The following SYT14 variants were observed in gnomAD, a reference collection of about 807,000 sequenced individuals.
SYT14 encodes synaptotagmin 14.
Under a neutral mutation model 74.2 loss-of-function variants are expected in SYT14, and 32 were observed. That is an observed-to-expected ratio of 0.43 (90% confidence interval 0.33 to 0.58). The LOEUF is 0.58. Among genes scored for constraint, SYT14 ranks in the 20% least tolerant of loss-of-function variants. The probability of loss-of-function intolerance (pLI) is 0.05; values close to 1 mark genes in which losing one functional copy is unlikely to be tolerated. For synonymous variants in SYT14, 298 were observed against 337.7 expected (o/e 0.88, Z 1.29); for missense variants, 791 against 981.8 (o/e 0.81, Z 2.60).
chr1:209,960,819 C>G (rs896066427), intron 2 of SYT14, among the ~76,000 whole-genome samples: 2 of 152,212 alleles, frequency 1.3e-5, no homozygotes, highest in East Asian at 1.9e-4. Context: ...TATATCTGTT[C>G]AATTCTGATA....
chr1:210,109,434 T>C (rs2082218404), intron 7 of SYT14, among the ~76,000 whole-genome samples: 1 of 151,850 alleles, frequency 6.6e-6, no homozygotes, highest in African/African-American at 2.4e-5. Flanking sequence ...AAAAATTAGC[T>C]GGGCATGGTT....
intron 2 of SYT14, among the ~76,000 whole-genome samples, chr1:209,980,485 C>A (rs2079463277): frequency 6.6e-6 from 1 of 152,160 alleles, no homozygotes; most frequent in Non-Finnish European, 1.5e-5. Flanking sequence ...GCTTTTGTTG[C>A]AATTGCTTTT....
chr1:210,078,461 G>T (rs564656653), intron 5 of SYT14, among the ~76,000 whole-genome samples: 1 of 151,984 alleles, frequency 6.6e-6, no homozygotes, highest in Non-Finnish European at 1.5e-5. Flanking sequence ...GATGTGCCAT[G>T]ACAAATATTT....
intron 2 of SYT14, among the ~76,000 whole-genome samples, chr1:210,001,311 G>A (rs565337865): frequency 2.1e-4 from 32 of 150,248 alleles, no homozygotes; most frequent in African/African-American, 7.6e-4. Flanking sequence ...TTTTTGCCCT[G>A]TTGAAAGGAT....
At chr1:210,016,697 C>G (rs1335689621) in exon 4 of SYT14, 4 of 1,231,634 alleles carry the variant, frequency 3.2e-6, no homozygotes, top group Non-Finnish European at 3.0e-6. Context: ...TAAATCTCGA[C>G]ATGTATATTT....
chr1:210,114,707 T>A lies in SYT14; in HGVS notation c.2034+14246T>A, dbSNP rs141721503. ...CATTAACCTTGACTGTGCCTTTAGCTCCAGCCACCTCTTTAAGATGAAATT... is the reference window on the plus strand; with the variant it reads ...CATTAACCTTGACTGTGCCTTTAGCACCAGCCACCTCTTTAAGATGAAATT... On this transcript the variant is annotated intron_variant, in intron 7 of 9. Coordinates refer to ENST00000637265, the Ensembl canonical transcript of SYT14. 4.2e-3 allele frequency among the ~76,000 whole-genome samples: 628 copies of A among 151,176 alleles called. 9 individuals are homozygous for A. The highest frequency in any genetic ancestry group is 9.1e-3 in the South Asian group (44 of 4,818).
At chr1:210,161,968 A>C (rs1455629885) in exon 10 of SYT14, 1 of 453,820 alleles carries the variant, frequency 2.2e-6, no homozygotes, top group Admixed American at 2.4e-5. Flanking sequence ...GAAAATGGAA[A>C]ACAATTCAAT....
Position 210,076,810 on chromosome 1 carries a change from A to C in SYT14, c.1313-17512A>C, listed in dbSNP as rs868357897. ...ACTCACTCACTATCACGAGAACAGC[A>C]CCAAGGGGAATGTGCCAACTCATTC... On this transcript the variant is annotated intron_variant, in intron 5 of 9. Transcript: ENST00000637265. Among the ~76,000 whole-genome samples the C allele has an allele frequency of 3.7e-4, 57 of 152,288 alleles. 1 individual carries two copies. The highest frequency in any genetic ancestry group is 6.8e-3 in the Middle Eastern group (2 of 294).
At chr1:210,073,553 T>G (rs948950454) in intron 5 of SYT14, among the ~76,000 whole-genome samples, 5 of 152,086 alleles carry the variant, frequency 3.3e-5, no homozygotes, top group African/African-American at 1.2e-4. Flanking sequence ...CATCCCCAAT[T>G]TATGTCATAA....
chr1:210,144,183 C>T (rs778228091), intron 7 of SYT14, among the ~76,000 whole-genome samples: 8 of 152,096 alleles, frequency 5.3e-5, no homozygotes, highest in Non-Finnish European at 1.2e-4. Context: ...TTAGAGAAAA[C>T]TCTGATTCAT....
At chr1:209,990,561 G>GTATATATATGTATATATATATACA (rs2079661064) in intron 2 of SYT14, among the ~76,000 whole-genome samples, 3 of 26,058 alleles carry the variant, frequency 1.2e-4, no homozygotes, top group Non-Finnish European at 2.8e-4. Flanking sequence ...ATATATATAC[G>GTATATATATGTATATATATATACA]TATATATATG....
chr1:209,950,661 T>C (rs1349714034), intron 1 of SYT14, among the ~76,000 whole-genome samples: 1 of 152,180 alleles, frequency 6.6e-6, no homozygotes, highest in African/African-American at 2.4e-5. Flanking sequence ...TCTAACCTAC[T>C]TTGGTGATAG....
rs145057212 is a variant in SYT14, at chr1:209,957,488, G to A, written c.-486+4732G>A. ...GTCACCCAGGCTGGAGTGCAATGGC[G>A]TGATCTCGGCTCGCTGCAATCTCCA... is the stretch of plus-strand genomic sequence containing the variant. On this transcript the variant is annotated intron_variant, in intron 2 of 9. Coordinates refer to ENST00000637265, the Ensembl canonical transcript of SYT14. Among the ~76,000 whole-genome samples, 579 of 152,030 alleles carry A rather than the reference G, an allele frequency of 3.8e-3. 3 individuals carry two copies. Among genetic ancestry groups the A allele is most frequent in the East Asian group, 0.031 (160 of 5,176 alleles).
chr1:210,108,834 G>C (rs996252844), intron 7 of SYT14, among the ~76,000 whole-genome samples: 1 of 152,190 alleles, frequency 6.6e-6, no homozygotes, highest in Non-Finnish European at 1.5e-5. Flanking sequence ...TATCAAGAAA[G>C]AGTTGTGAGA....
intron 7 of SYT14, among the ~76,000 whole-genome samples, chr1:210,137,880 C>T (rs1193962187): frequency 6.6e-6 from 1 of 152,052 alleles, no homozygotes. Context: ...GGGGTTTCAC[C>T]ATGTTGGTCA....
At chr1:210,151,488 G>T (rs2083159110) in intron 7 of SYT14, among the ~76,000 whole-genome samples, 1 of 144,782 alleles carries the variant, frequency 6.9e-6, no homozygotes, top group Non-Finnish European at 1.5e-5. Flanking sequence ...CCAAGTAGCT[G>T]AAATTATAGG....
At chr1:210,120,874 G>T (rs1007236533) in intron 7 of SYT14, among the ~76,000 whole-genome samples, 6 of 152,062 alleles carry the variant, frequency 3.9e-5, no homozygotes, top group Admixed American at 3.3e-4. Flanking sequence ...TTAAAGTTAA[G>T]AAAAATTTTT....
intron 5 of SYT14, among the ~76,000 whole-genome samples, chr1:210,047,317 T>C (rs991964801): frequency 3.3e-5 from 5 of 152,144 alleles, no homozygotes; most frequent in East Asian, 1.9e-4. Context: ...AAAAAAATTA[T>C]GTGGATTTTT....
At chr1:210,086,445 G>A (rs920796469) in intron 5 of SYT14, among the ~76,000 whole-genome samples, 1 of 152,138 alleles carries the variant, frequency 6.6e-6, no homozygotes, top group Non-Finnish European at 1.5e-5. Context: ...TTTGAGCTCA[G>A]ATGGTTAGTG....
Sources: allele counts gnomAD v4.1 joint callset (sites outside exome capture counted in the v4.1 genomes callset), GRCh38; gene constraint gnomAD v4.1.1; transcripts MANE v1.5; gene names NCBI Gene and HGNC (gene_info 2026-07-23, HGNC 2026-07-21).